MEI4: variants seen among roughly 807,000 people sequenced by gnomAD.
The protein encoded by MEI4 is meiosis-specific protein MEI4.
A neutral mutation model predicts 31.4 loss-of-function variants in MEI4; 27 were observed. That is an observed-to-expected ratio of 0.86 (90% CI 0.63 to 1.19). MEI4 has a LOEUF of 1.19. Ranked by LOEUF, MEI4 falls within the 50% of genes most tolerant of loss-of-function variation. MEI4 has a pLI of 0.00. For missense variants in MEI4, 329 were observed against 398.9 expected (o/e 0.82, Z 1.49); for synonymous variants, 122 against 145.4 (o/e 0.84, Z 1.16).
intron 3 of MEI4, among the ~76,000 whole-genome samples, chr6:77,803,314 C>T (rs1460040328): frequency 2.6e-5 from 4 of 152,160 alleles, no homozygotes; most frequent in Non-Finnish European, 4.4e-5. Context: ...CCATGGTTTT[C>T]AGCTCCATCA....
At chr6:77,826,133 C>A (rs1014784234) in intron 3 of MEI4, among the ~76,000 whole-genome samples, 1 of 152,190 alleles carries the variant, frequency 6.6e-6, no homozygotes, top group Non-Finnish European at 1.5e-5. Flanking sequence ...TTTGTTTATA[C>A]TAAGGCTACT....
intron 3 of MEI4, among the ~76,000 whole-genome samples, chr6:77,814,011 C>A (rs1169785734): frequency 6.6e-6 from 1 of 152,064 alleles, no homozygotes; most frequent in Non-Finnish European, 1.5e-5. Flanking sequence ...ACAAGACCTT[C>A]AGTTTAATTC....
rs535913104 is a variant in MEI4 at position 77,780,508 on chromosome 6, G to A, written c.768+18843G>A. ...TCTTTCACTGAATATCGGAGTCTGA[G>A]TATGTTATTCATCCATCATGCAGCC... On this transcript the variant is annotated intron_variant, in intron 3 of 4. Coordinates refer to ENST00000684080, the MANE Select transcript of MEI4 (RefSeq NM_001322247.2). 2.0e-5 allele frequency among the ~76,000 whole-genome samples: 3 copies of A among 152,280 alleles called. No homozygotes were observed. The South Asian group carries it at 6.2e-4, about 32-fold the overall frequency.
chr6:77,815,904 AAAC>A (rs762606783), intron 3 of MEI4, among the ~76,000 whole-genome samples: 5 of 152,000 alleles, frequency 3.3e-5, no homozygotes, highest in Admixed American at 1.3e-4. Context: ...AAAAAAACCA[AAAC>A]AACAACAAAA....
At chr6:77,751,627 G>T (rs1371458368) in intron 2 of MEI4, among the ~76,000 whole-genome samples, 1 of 151,942 alleles carries the variant, frequency 6.6e-6, no homozygotes, top group African/African-American at 2.4e-5. Flanking sequence ...GCAATTAATA[G>T]CCTACTAACC....
intron 2 of MEI4, among the ~76,000 whole-genome samples, chr6:77,736,836 T>C (rs1767252980): frequency 6.7e-6 from 1 of 148,164 alleles, no homozygotes; most frequent in Non-Finnish European, 1.5e-5. Context: ...AGAAAGTGAT[T>C]ATTTTGTCTT....
chr6:77,797,437 G>A (rs1307896210), intron 3 of MEI4, among the ~76,000 whole-genome samples: 1 of 152,120 alleles, frequency 6.6e-6, no homozygotes, highest in South Asian at 2.1e-4. Flanking sequence ...TTATTAAGGA[G>A]AATTGGCTTA....
chr6:77,749,152 A>G (rs4461698), intron 2 of MEI4, among the ~76,000 whole-genome samples: 48,970 of 151,992 alleles, frequency 0.32, 8,214 homozygotes, highest in East Asian at 0.48. Flanking sequence ...ATAAATCCAT[A>G]AAGATGGGGA....
intron 2 of MEI4, among the ~76,000 whole-genome samples, chr6:77,705,849 A>T (rs1008411155): frequency 1.1e-4 from 16 of 152,224 alleles, no homozygotes; most frequent in Admixed American, 7.9e-4. Context: ...AATTAAATAC[A>T]TGAGAGAATA....
intron 1 of MEI4, among the ~76,000 whole-genome samples, chr6:77,655,283 A>G (rs1270106633): frequency 6.6e-6 from 1 of 151,922 alleles, no homozygotes; most frequent in East Asian, 1.9e-4. Context: ...TATGTGCCAC[A>G]TTTTCTTTAT....
At chr6:77,681,674 G>A (rs973835999) in intron 1 of MEI4, among the ~76,000 whole-genome samples, 1 of 152,072 alleles carries the variant, frequency 6.6e-6, no homozygotes, top group Non-Finnish European at 1.5e-5. Flanking sequence ...ATCAAAAGGT[G>A]TGGGATGGAA....
chr6:77,878,229 C>A (rs1771392579), intron 4 of MEI4, among the ~76,000 whole-genome samples: 2 of 149,218 alleles, frequency 1.3e-5, no homozygotes, highest in African/African-American at 2.4e-5. Context: ...CATAAAAAAA[C>A]CTCTTGATAT....
chr6:77,706,397 A>G (rs974293877), intron 2 of MEI4, among the ~76,000 whole-genome samples: 1 of 152,198 alleles, frequency 6.6e-6, no homozygotes, highest in African/African-American at 2.4e-5. Flanking sequence ...CCATTAGGTC[A>G]TATCATTTTT....
intron 4 of MEI4, among the ~76,000 whole-genome samples, chr6:77,857,168 T>C (rs1211517433): frequency 1.3e-5 from 2 of 152,216 alleles, no homozygotes; most frequent in African/African-American, 2.4e-5. Context: ...AATGTATATT[T>C]CACACAGCCT....
intron 3 of MEI4, among the ~76,000 whole-genome samples, chr6:77,796,394 G>T (rs1426050236): frequency 6.6e-6 from 1 of 152,056 alleles, no homozygotes; most frequent in Non-Finnish European, 1.5e-5. Context: ...AGAAATAAAA[G>T]ATTCAAATTT....
At chr6:77,652,205 A>G (rs1399990066), upstream of MEI4, among the ~76,000 whole-genome samples, 3 of 152,200 alleles carry the variant, frequency 2.0e-5, no homozygotes, top group African/African-American at 7.2e-5. Flanking sequence ...ATCAGTTAGA[A>G]GGCTGATACA....
At chr6:77,841,784 ATTGACTGTGTT>A (rs1345269426) in intron 4 of MEI4, among the ~76,000 whole-genome samples, 1 of 152,176 alleles carries the variant, frequency 6.6e-6, no homozygotes, top group Non-Finnish European at 1.5e-5. Context: ...AGAAAGTTAG[ATTGACTGTGTT>A]AATATTAGCA....
intron 4 of MEI4, among the ~76,000 whole-genome samples, chr6:77,891,060 G>C (rs1771754679): frequency 6.6e-6 from 1 of 152,100 alleles, no homozygotes; most frequent in Non-Finnish European, 1.5e-5. Context: ...CTTTCTTGCT[G>C]TTTTTAGAAT....
At chr6:77,789,346 C>G (rs1273871871) in intron 3 of MEI4, among the ~76,000 whole-genome samples, 3 of 152,168 alleles carry the variant, frequency 2.0e-5, no homozygotes, top group African/African-American at 7.2e-5. Flanking sequence ...TAGGCATGGG[C>G]AAGGACTTCA....
Sources: gnomAD v4.1 joint callset for allele counts (sites outside exome capture counted in the v4.1 genomes callset) on GRCh38, gnomAD v4.1.1 for gene constraint, MANE v1.5 for transcripts, NCBI Gene and HGNC (gene_info 2026-07-23, HGNC 2026-07-21) for gene names.